The following KIAA0408 variants were observed in gnomAD, a reference collection of about 807,000 sequenced individuals.
KIAA0408 encodes KIAA0408, also known as uncharacterized protein KIAA0408.
A neutral mutation model predicts 60.9 loss-of-function variants in KIAA0408; 51 were observed. That is an observed-to-expected ratio of 0.84 (90% CI 0.67 to 1.06). The LOEUF is 1.06. Among genes scored for constraint, KIAA0408 ranks in the 50% least tolerant of loss-of-function variants. KIAA0408 has a pLI of 0.00. For synonymous variants in KIAA0408, 304 were observed against 282.4 expected, an observed-to-expected ratio of 1.08 and a Z score of -0.77; for missense variants, 787 against 833.9, an observed-to-expected ratio of 0.94 and a Z score of 0.69.
rs1489084369 is a variant in KIAA0408 at position 127,443,224 on chromosome 6, T to C, written c.*885A>G. Reference sequence around the variant, plus strand: ...AAAGAAAAACTAAAATTCAACATCATTCAGTTTCTTTTTGCATCCCATTTA... The same window carrying C: ...AAAGAAAAACTAAAATTCAACATCACTCAGTTTCTTTTTGCATCCCATTTA... On this transcript the variant is annotated 3_prime_UTR_variant, in exon 6 of 6. Coordinates refer to ENST00000483725, the MANE Select transcript of KIAA0408 (RefSeq NM_014702.5). The C allele has an allele frequency of 6.6e-6, 1 of 152,148 alleles. No individual in the cohort carries two copies. The highest frequency in any genetic ancestry group is 1.5e-5 in the Non-Finnish European group (1 of 67,996). The allele number at this position is 152,148 out of a possible 1,614,324, so 9.4% of individuals were successfully genotyped here.
chr6:127,457,332 T>C (rs1019204807), intron 1 of KIAA0408, among the ~76,000 whole-genome samples: 2 of 152,170 alleles, frequency 1.3e-5, no homozygotes, highest in African/African-American at 4.8e-5. Context: ...TTAAGTGCTC[T>C]CTACTGGGGC....
chr6:127,447,686 A>C lies in KIAA0408; in HGVS notation c.633T>G (p.His211Gln). The C allele has an allele frequency of 6.3e-7, 1 of 1,587,796 alleles. No homozygotes were observed. Among genetic ancestry groups the C allele is most frequent in the Non-Finnish European group, 8.5e-7 (1 of 1,171,868 alleles). The change falls in exon 5 of 6, where the codon CAT becomes CAG. Residue 211 changes from histidine (H) to glutamine (Q), a missense_variant. Physicochemically the swap from His to Gln is conservative, Grantham distance 24 (BLOSUM62 0). Around this residue, in one of 3 missense-constraint regions of KIAA0408, gnomAD observed 640 missense variants for 681.3 expected, o/e 0.94. Transcript: ENST00000483725. ...GGTCATTGTTGATCATGGGGTCCCC[A>C]TGAGGTATATTAGTTACATTTGGCA... ...QEMPNVTNIP[H>Q]GDPMINNDQC...
intron 1 of KIAA0408, among the ~76,000 whole-genome samples, chr6:127,458,947 G>C (rs1344593018): frequency 1.3e-5 from 2 of 152,132 alleles, no homozygotes; most frequent in Non-Finnish European, 2.9e-5. Context: ...GTCCACAGTT[G>C]GGAAATCCAC....
chr6:127,453,722 C>A, intron 2 of KIAA0408, 125 bp downstream of exon 2: 1 of 1,256,032 alleles, frequency 8.0e-7, no homozygotes, highest in Non-Finnish European at 1.1e-6. Flanking sequence ...TAGTAAATGT[C>A]ACTGAGAAAT....
At position 127,441,758 on chromosome 6, in the gene KIAA0408, G is replaced by T. The variant is rs996734595; in HGVS notation, c.*2351C>A. On this transcript the variant is annotated 3_prime_UTR_variant, in exon 6 of 6. Coordinates refer to ENST00000483725, the MANE Select transcript of KIAA0408 (RefSeq NM_014702.5). Reference sequence around the variant, plus strand: ...ACCTAATAGGTTTTTCCATTTAAAAGTTATAAAATATTTAAAAAGAGAAAA... The same window carrying T: ...ACCTAATAGGTTTTTCCATTTAAAATTTATAAAATATTTAAAAAGAGAAAA... 1 of 151,948 alleles carries T rather than the reference G, an allele frequency of 6.6e-6. No individual in the cohort carries two copies. The highest frequency in any genetic ancestry group is 1.5e-5 in the Non-Finnish European group (1 of 67,972). The allele number at this position is 151,948 out of a possible 1,614,324, so 9.4% of individuals were successfully genotyped here.
At chr6:127,447,855 C>T (rs767270163) in intron 4 of KIAA0408, 115 bp from the exon 5 acceptor site, 44 of 1,283,048 alleles carry the variant, frequency 3.4e-5, no homozygotes, top group Non-Finnish European at 4.5e-5. Context: ...TCACAACTGC[C>T]TCATACATCA....
chr6:127,446,050 AC>A (rs755994438), intron 5 of KIAA0408, among the ~76,000 whole-genome samples: 3 of 152,186 alleles, frequency 2.0e-5, no homozygotes, highest in Non-Finnish European at 4.4e-5. Flanking sequence ...TATTTTCCAT[AC>A]ACTTAAAAAA....
intron 1 of KIAA0408, among the ~76,000 whole-genome samples, chr6:127,455,558 C>T (rs938855706): frequency 6.6e-6 from 1 of 152,052 alleles, no homozygotes; most frequent in African/African-American, 2.4e-5. Context: ...AAAATGTTAG[C>T]TATATATGCA....
chr6:127,451,285 TAACTC>T, intron 2 of KIAA0408: 1 of 455,856 alleles, frequency 2.2e-6, no homozygotes, highest in South Asian at 1.6e-5. Context: ...TACATACCGA[TAACTC>T]AGTTGAGAGA....
chr6:127,447,101 A>G lies in KIAA0408; in HGVS notation c.1218T>C (p.His406=), dbSNP rs181271629. 3 of 1,613,812 alleles carry G rather than the reference A, an allele frequency of 1.9e-6. No homozygotes were observed. Among genetic ancestry groups the G allele is most frequent in the South Asian group, 2.2e-5 (2 of 91,082 alleles). The change falls in exon 5 of 6, where the codon CAT becomes CAC. Residue 406 remains histidine (H), a synonymous_variant. Transcript: ENST00000483725. ...CTGAGGAGCTACAGTCATTACTTAC[A>G]TGAAGATCAGGATGAGATTTAGCAG... The part of the protein sequence containing the change: ...DHPAKSHPDL[H]VSNDCSSSVA...
Position 127,449,904 on chromosome 6 carries a change from T to G in KIAA0408, c.499-3A>C. 2 of 1,614,044 alleles carry G rather than the reference T, an allele frequency of 1.2e-6. No homozygotes were observed. The highest frequency in any genetic ancestry group is 1.3e-5 in the African/African-American group (1 of 75,056). ...ACCTTCGCAAGTTCTTCAAGAGCCT[T>G]TACACATATAAGCAACAGCCCGTTA... On this transcript the variant is annotated splice_polypyrimidine_tract_variant and splice_region_variant and intron_variant, in intron 3 of 5. Transcript: ENST00000483725.
At chr6:127,445,316 T>G (rs976832283) in intron 5 of KIAA0408, among the ~76,000 whole-genome samples, 1 of 152,170 alleles carries the variant, frequency 6.6e-6, no homozygotes, top group Admixed American at 6.5e-5. Flanking sequence ...AAGAATTTTG[T>G]TTGGTTATTG....
intron 1 of KIAA0408, among the ~76,000 whole-genome samples, chr6:127,454,753 T>G (rs1318612400): frequency 1.3e-5 from 2 of 152,140 alleles, no homozygotes; most frequent in East Asian, 1.9e-4. Flanking sequence ...ACGTTAAAAT[T>G]TATCCATGCT....
intron 4 of KIAA0408, among the ~76,000 whole-genome samples, chr6:127,448,259 A>G (rs1463766384): frequency 6.6e-6 from 1 of 152,216 alleles, no homozygotes; most frequent in Non-Finnish European, 1.5e-5. Context: ...TGGTCTTGAA[A>G]AAAAGTAAAA....
Position 127,441,334 on chromosome 6 carries a change from C to T in KIAA0408, c.*2775G>A, listed in dbSNP as rs1055637916. On this transcript the variant is annotated 3_prime_UTR_variant, in exon 6 of 6. Coordinates refer to ENST00000483725, the MANE Select transcript of KIAA0408 (RefSeq NM_014702.5). ...GTAATTTTTGATAAAATGAATTATA[C>T]AAAGCATCATTTATATTTTTATATT... The T allele has an allele frequency of 1.3e-5, 2 of 152,314 alleles. No individual in the cohort carries two copies. Among genetic ancestry groups the T allele is most frequent in the Admixed American group, 1.3e-4 (2 of 15,228 alleles). The allele number at this position is 152,314 out of a possible 1,614,324, so 9.4% of individuals were successfully genotyped here.
chr6:127,444,110 T>C lies in KIAA0408; in HGVS notation c.2084A>G (p.Ter695=), dbSNP rs1562368301. Residue 695 remains the stop codon, a stop_retained_variant, in exon 6 of 6, where the codon TAA becomes TGA. Coordinates refer to ENST00000483725, the MANE Select transcript of KIAA0408 (RefSeq NM_014702.5). ...ISLRSEALMV[*] ...AATATAGCAATCCAGGCCAAAGACTTAAACCATCAATGCTTCGGATCGCAG... is the reference window on the plus strand; with the variant it reads ...AATATAGCAATCCAGGCCAAAGACTCAAACCATCAATGCTTCGGATCGCAG... 1 of 1,613,850 alleles carries C rather than the reference T, an allele frequency of 6.2e-7. No individual in the cohort carries two copies. Among genetic ancestry groups the C allele is most frequent in the East Asian group, 2.2e-5 (1 of 44,854 alleles).
rs1773107679 is a variant in KIAA0408 at position 127,441,504 on chromosome 6, T to G, written c.*2605A>C. The stretch of plus-strand genomic sequence containing the variant: ...TCAGCCCATAATATCAGTAATCCTC[T>G]GCTGAACTAAAATAATATTTTTGCT... On this transcript the variant is annotated 3_prime_UTR_variant, in exon 6 of 6. Transcript: ENST00000483725. The G allele has an allele frequency of 6.6e-6, 1 of 152,506 alleles. No homozygotes were observed. The highest frequency in any genetic ancestry group is 1.9e-4 in the East Asian group (1 of 5,192). 9.4% of individuals were successfully genotyped at this position (152,506 alleles called of 1,614,324 possible). A position where few individuals can be genotyped will look rare whatever the true frequency, so the allele number is the denominator to read the frequency against.
intron 4 of KIAA0408, 83 bp from the exon 5 acceptor site, chr6:127,447,823 G>T: frequency 1.4e-6 from 2 of 1,434,248 alleles, no homozygotes; most frequent in Non-Finnish European, 1.8e-6. Context: ...AAAGCAATGA[G>T]TTTCTGCTAT....
rs1773063191 is a variant in KIAA0408 at position 127,438,974 on chromosome 6, G to C, written c.*5135C>G. The C allele has an allele frequency of 1.3e-5, 2 of 152,148 alleles. No homozygotes were observed. Among genetic ancestry groups the C allele is most frequent in the Non-Finnish European group, 2.9e-5 (2 of 68,036 alleles). The allele number at this position is 152,148 out of a possible 1,614,324, so 9.4% of individuals were successfully genotyped here. On this transcript the variant is annotated 3_prime_UTR_variant, in exon 6 of 6. Transcript: ENST00000483725. Reference sequence around the variant, plus strand: ...AATGGGATTTAAGGCCCTTATAAAAGAAGCATCACATAGCATTCAGCTGCT... The same window carrying C: ...AATGGGATTTAAGGCCCTTATAAAACAAGCATCACATAGCATTCAGCTGCT...
Sources: allele counts gnomAD v4.1 joint callset (sites outside exome capture counted in the v4.1 genomes callset), GRCh38; gene constraint gnomAD v4.1.1; regional missense constraint gnomAD v4.1.1; transcripts MANE v1.5; gene names NCBI Gene and HGNC (gene_info 2026-07-23, HGNC 2026-07-21).